Variants in TTC23L observed in about 807,000 individuals in gnomAD.
The protein encoded by TTC23L is tetratricopeptide repeat protein 23-like.
A neutral mutation model predicts 48.1 loss-of-function variants in TTC23L; 42 were observed. The observed-to-expected ratio is 0.87, with a 90% CI of 0.68 to 1.13. The LOEUF is 1.13. Among genes scored for constraint, TTC23L ranks in the 50% most tolerant of loss-of-function variants. The probability of loss-of-function intolerance (pLI) is 0.00; values close to 1 mark genes in which losing one functional copy is unlikely to be tolerated. For missense variants in TTC23L, 391 were observed against 421.0 expected, an observed-to-expected ratio of 0.93 and a Z score of 0.62; for synonymous variants, 159 against 157.2, an observed-to-expected ratio of 1.01 and a Z score of -0.09.
the TTC23L span, chr5:34,920,831 GT>G: frequency 3.8e-4 from 55 of 143,526 alleles, no homozygotes; most frequent in African/African-American, 7.1e-4. Flanking sequence ...CAAAAGTTTT[GT>G]TTTTTTTTTT....
chr5:34,893,926 C>A (rs1470767320), intron 9 of TTC23L, among the ~76,000 whole-genome samples: 1 of 152,134 alleles, frequency 6.6e-6, no homozygotes, highest in Non-Finnish European at 1.5e-5. Flanking sequence ...ACACAGATTT[C>A]CAATCTCAGG....
chr5:34,898,697 A>C (rs1377728119), intron 10 of TTC23L, among the ~76,000 whole-genome samples: 1 of 152,234 alleles, frequency 6.6e-6, no homozygotes, highest in Non-Finnish European at 1.5e-5. Context: ...GTAATAGAGA[A>C]TGAGCCTGTC....
intron 6 of TTC23L, 136 bp downstream of exon 6, chr5:34,864,698 GGA>G (rs1760926238): frequency 1.0e-5 from 11 of 1,076,744 alleles, no homozygotes; most frequent in Admixed American, 2.5e-5. Flanking sequence ...TTTACCAAAT[GGA>G]TACACTGGGC....
chr5:34,877,986 AG>A (rs1168830444), intron 8 of TTC23L, among the ~76,000 whole-genome samples: 5 of 152,268 alleles, frequency 3.3e-5, no homozygotes. Context: ...GAAAAGATTC[AG>A]GATACAAGTT....
chr5:34,909,889 A>G, the TTC23L span, among the ~76,000 whole-genome samples: 13,445 of 152,244 alleles, frequency 0.088, 637 homozygotes, highest in African/African-American at 0.11. Flanking sequence ...TTGCTGCAGG[A>G]TTAGCACGTT....
intron 4 of TTC23L, among the ~76,000 whole-genome samples, chr5:34,857,282 G>A (rs1221848368): frequency 3.3e-5 from 5 of 152,154 alleles, no homozygotes; most frequent in Non-Finnish European, 1.5e-5. Context: ...ATATGGTAAC[G>A]TGGACAAGCA....
the TTC23L span, chr5:34,914,644 ATTACAT>A: frequency 6.1e-5 from 96 of 1,574,676 alleles, no homozygotes; most frequent in Non-Finnish European, 8.1e-5. Context: ...ATTTCATTAA[ATTACAT>A]TTAGAGTATC....
rs745677370 is a variant in TTC23L, at chr5:34,850,194, G to A, written c.265G>A (p.Ala89Thr). The A allele has an allele frequency of 3.7e-6, 6 of 1,613,814 alleles. 1 individual carries two copies. In the Admixed American group the frequency reaches 1.0e-4, roughly 27 times the overall value. The stretch of plus-strand genomic sequence containing the variant: ...CTTCTGTACTCTACAGAATACTCAA[G>A]CAAACAAGGAGCTGATTCGATGTGT... Residue 89 changes from alanine to threonine, a missense_variant, in exon 4 of 11, where the codon GCA becomes ACA. Ala to Thr is a moderately conservative substitution (Grantham distance 58). Transcript: ENST00000505624.
At chr5:34,886,902 A>G (rs542468412) in intron 9 of TTC23L, among the ~76,000 whole-genome samples, 10 of 152,300 alleles carry the variant, frequency 6.6e-5, no homozygotes, top group African/African-American at 2.4e-4. Context: ...TCCATACCCA[A>G]GTACTCATTT....
the TTC23L span, chr5:34,922,899 A>G: frequency 8.2e-7 from 1 of 1,214,222 alleles, no homozygotes; most frequent in Non-Finnish European, 1.2e-6. Context: ...TCTTTCAGGT[A>G]CATTTATAAT....
At chr5:34,883,092 C>T (rs1762339550) in intron 9 of TTC23L, 1 of 152,294 alleles carries the variant, frequency 6.6e-6, no homozygotes, top group Non-Finnish European at 1.5e-5. Context: ...GAGAGGCACC[C>T]CTTACATGTT....
intron 4 of TTC23L, chr5:34,861,546 G>GT (rs1760655143): frequency 6.6e-6 from 1 of 152,202 alleles, no homozygotes; most frequent in African/African-American, 2.4e-5. Flanking sequence ...AAAGGGAGAA[G>GT]GGACCTGGGT....
At chr5:34,898,997 G>A (rs1020271574) in intron 10 of TTC23L, among the ~76,000 whole-genome samples, 4 of 152,246 alleles carry the variant, frequency 2.6e-5, no homozygotes, top group African/African-American at 7.2e-5. Flanking sequence ...AGGGCCTCGG[G>A]CTGTAAGTCT....
chr5:34,886,596 G>C (rs1307497556), intron 9 of TTC23L, among the ~76,000 whole-genome samples: 3 of 152,282 alleles, frequency 2.0e-5, no homozygotes, highest in East Asian at 3.9e-4. Context: ...CTTGTAAGCA[G>C]GATGTGAGGA....
At chr5:34,840,246 G>GGA (rs1554016526) in intron 1 of TTC23L, among the ~76,000 whole-genome samples, 1,570 of 142,590 alleles carry the variant, frequency 0.011, 215 homozygotes, top group African/African-American at 0.024. Context: ...CCGGGGGGGG[G>GGA]GGGGAAAGCA....
intron 3 of TTC23L, among the ~76,000 whole-genome samples, chr5:34,848,859 G>A (rs965452445): frequency 2.0e-5 from 3 of 152,188 alleles, no homozygotes; most frequent in Non-Finnish European, 4.4e-5. Flanking sequence ...TGAGGACTTT[G>A]AATTATATTA....
chr5:34,915,104 A>ATAC, the TTC23L span: 1 of 574,220 alleles, frequency 1.7e-6, no homozygotes, highest in Non-Finnish European at 3.1e-6. Context: ...CTATCTTTGT[A>ATAC]ATTCTGGAGG....
chr5:34,858,247 T>C (rs1272015794), intron 4 of TTC23L, among the ~76,000 whole-genome samples: 1 of 152,166 alleles, frequency 6.6e-6, no homozygotes, highest in Admixed American at 6.6e-5. Flanking sequence ...AAAAGTAACT[T>C]GATCTATGAA....
intron 7 of TTC23L, 107 bp from the exon 8 acceptor site, chr5:34,868,798 T>A: frequency 1.2e-6 from 1 of 861,556 alleles, no homozygotes; most frequent in South Asian, 1.5e-5. Context: ...TGCACAAGAC[T>A]CATAGCTAGG....
Sources: allele counts gnomAD v4.1 joint callset (sites outside exome capture counted in the v4.1 genomes callset), GRCh38; gene constraint gnomAD v4.1.1; transcripts MANE v1.5; gene names NCBI Gene and HGNC (gene_info 2026-07-23, HGNC 2026-07-21).